CAMTA1: variants seen among roughly 807,000 people sequenced by gnomAD.
CAMTA1 encodes the protein calmodulin-binding transcription activator 1.
A neutral mutation model predicts 170.9 loss-of-function variants in CAMTA1; 27 were observed. The ratio of observed to expected loss-of-function variants is 0.16; its 90% CI spans 0.12 to 0.22. The LOEUF (loss-of-function observed/expected upper bound fraction) is 0.22, where lower values mean the gene tolerates loss of function less well. Ranked by LOEUF, CAMTA1 falls within the 10% of genes least tolerant of loss-of-function variation. The pLI is 1.00. For synonymous variants in CAMTA1, 833 were observed against 891.5 expected (o/e 0.93, Z 1.17); for missense variants, 1,619 against 2,217.2 (o/e 0.73, Z 5.42).
At chr1:7,186,631 T>G (rs1653329972) in intron 4 of CAMTA1, among the ~76,000 whole-genome samples, 1 of 152,204 alleles carries the variant, frequency 6.6e-6, no homozygotes, top group African/African-American at 2.4e-5. Context: ...TCATTCAAGT[T>G]TCATTTTGCC....
chr1:7,530,146 T>C (rs1298883225), intron 6 of CAMTA1, among the ~76,000 whole-genome samples: 1 of 152,194 alleles, frequency 6.6e-6, no homozygotes, highest in East Asian at 1.9e-4. Flanking sequence ...TCTGCCCACC[T>C]GTGGCTGCCA....
intron 4 of CAMTA1, among the ~76,000 whole-genome samples, chr1:7,132,986 T>C (rs1645349232): frequency 6.6e-6 from 1 of 152,260 alleles, no homozygotes; most frequent in Non-Finnish European, 1.5e-5. Context: ...AGCTGGATTT[T>C]ATTTGTTCAT....
chr1:7,034,107 C>T (rs141539329), intron 3 of CAMTA1, among the ~76,000 whole-genome samples: 22 of 152,172 alleles, frequency 1.4e-4, no homozygotes, highest in South Asian at 2.1e-4. Context: ...CTCTTGTTAG[C>T]GGAAACAGGC....
intron 11 of CAMTA1, among the ~76,000 whole-genome samples, chr1:7,725,547 G>T (rs1442880128): frequency 6.6e-6 from 1 of 152,210 alleles, no homozygotes; most frequent in African/African-American, 2.4e-5. Flanking sequence ...TACCCATGCT[G>T]GGTAGGAATC....
intron 6 of CAMTA1, among the ~76,000 whole-genome samples, chr1:7,488,978 C>T (rs144144367): frequency 2.0e-5 from 3 of 152,310 alleles, no homozygotes; most frequent in Non-Finnish European, 4.4e-5. Flanking sequence ...CAAGCACACA[C>T]ACACACACGC....
chr1:6,967,192 GA>G (rs893465800), intron 3 of CAMTA1, among the ~76,000 whole-genome samples: 1 of 152,012 alleles, frequency 6.6e-6, no homozygotes, highest in African/African-American at 2.4e-5. Flanking sequence ...AGTGAGCCGA[GA>G]CTGTGCCACT....
At chr1:6,809,761 G>A (rs1052092494) in intron 1 of CAMTA1, among the ~76,000 whole-genome samples, 5 of 152,068 alleles carry the variant, frequency 3.3e-5, no homozygotes, top group African/African-American at 9.7e-5. Flanking sequence ...AAGAATGGTC[G>A]GAGAGGTAAG....
At chr1:7,141,109 G>T (rs935088019) in intron 4 of CAMTA1, among the ~76,000 whole-genome samples, 1 of 152,142 alleles carries the variant, frequency 6.6e-6, no homozygotes, top group Non-Finnish European at 1.5e-5. Flanking sequence ...CCAAAGGGTA[G>T]CTCCCTCTGT....
intron 4 of CAMTA1, among the ~76,000 whole-genome samples, chr1:7,107,635 G>A (rs1264906524): frequency 1.3e-5 from 2 of 152,184 alleles, no homozygotes; most frequent in Non-Finnish European, 2.9e-5. Flanking sequence ...GGTGCTGCTG[G>A]GATGCCTTTT....
intron 11 of CAMTA1, among the ~76,000 whole-genome samples, chr1:7,712,996 G>A (rs373558802): frequency 1.1e-4 from 17 of 152,296 alleles, no homozygotes; most frequent in African/African-American, 3.4e-4. Flanking sequence ...TCCTGTCCAC[G>A]ACACATGGGG....
At chr1:6,844,301 T>A (rs1203335127) in intron 3 of CAMTA1, among the ~76,000 whole-genome samples, 2 of 152,160 alleles carry the variant, frequency 1.3e-5, no homozygotes, top group Non-Finnish European at 2.9e-5. Context: ...ACAGGTGTGA[T>A]ACACATGCAC....
chr1:6,887,850 C>A lies in CAMTA1; in HGVS notation c.234+62640C>A. ...TCTCAAAACCCCAAATTAATTTGAA[C>A]CGAATGTTACTAAAAATGAAATAGA... On this transcript the variant is annotated intron_variant, in intron 3 of 22. Transcript: ENST00000303635. The surrounding 1 kb of genome is among the most constrained non-coding windows in gnomAD (Gnocchi z 4.1). The A allele has an allele frequency of 4.2e-6, 6 of 1,442,196 alleles. No homozygotes were observed. The highest frequency in any genetic ancestry group is 5.5e-6 in the Non-Finnish European group (6 of 1,100,466). The allele number at this position is 1,442,196 out of a possible 1,614,324, so 89.3% of individuals were successfully genotyped here.
intron 5 of CAMTA1, among the ~76,000 whole-genome samples, chr1:7,261,441 C>G (rs916735931): frequency 6.6e-6 from 1 of 152,154 alleles, no homozygotes; most frequent in Non-Finnish European, 1.5e-5. Flanking sequence ...TGGGTTAAGT[C>G]TTGGAAAAGA....
intron 4 of CAMTA1, among the ~76,000 whole-genome samples, chr1:7,153,914 C>T (rs1047073066): frequency 6.6e-6 from 1 of 152,206 alleles, no homozygotes. Flanking sequence ...ACCAAAGGAA[C>T]CAGGAGCCAC....
chr1:6,966,610 C>CTT (rs1322354630), intron 3 of CAMTA1, among the ~76,000 whole-genome samples: 9 of 16,108 alleles, frequency 5.6e-4, no homozygotes, highest in African/African-American at 1.9e-3. Context: ...ACTTTTGAAA[C>CTT]CTTTTTTTTT....
At chr1:7,540,726 T>TAA (rs36088291) in intron 6 of CAMTA1, among the ~76,000 whole-genome samples, 5 of 151,576 alleles carry the variant, frequency 3.3e-5, no homozygotes, top group South Asian at 2.1e-4. Context: ...CAGTTGAGGG[T>TAA]AAAAAATGCA....
intron 4 of CAMTA1, among the ~76,000 whole-genome samples, chr1:7,129,919 TTGTGTGTG>T (rs3058550): frequency 3.4e-4 from 50 of 147,080 alleles, no homozygotes; most frequent in Middle Eastern, 3.5e-3. Context: ...CTACCTTCTT[TTGTGTGTG>T]TGTGTGTGTG....
At chr1:7,276,303 A>ATTTT (rs1180773965) in intron 5 of CAMTA1, among the ~76,000 whole-genome samples, 52 of 24,156 alleles carry the variant, frequency 2.2e-3, no homozygotes, top group Non-Finnish European at 2.8e-3. Flanking sequence ...ATATATATAT[A>ATTTT]TTTTTTTTTT....
At chr1:6,830,561 TC>T (rs1649517201) in intron 3 of CAMTA1, among the ~76,000 whole-genome samples, 1 of 152,150 alleles carries the variant, frequency 6.6e-6, no homozygotes, top group African/African-American at 2.4e-5. Context: ...TAGGCTGGTC[TC>T]CAACTCCCGA....
Sources: gnomAD v4.1 joint callset for allele counts (sites outside exome capture counted in the v4.1 genomes callset) on GRCh38, gnomAD v4.1.1 for gene constraint, Gnocchi (gnomAD v3.1) non-coding constraint, MANE v1.5 for transcripts, NCBI Gene and HGNC (gene_info 2026-07-23, HGNC 2026-07-21) for gene names.